The following FAM13A variants were observed in gnomAD, a reference collection of about 807,000 sequenced individuals.
FAM13A encodes family with sequence similarity 13 member A, also known as protein FAM13A.
Under a neutral mutation model 129.6 loss-of-function variants are expected in FAM13A, and 76 were observed. The ratio of observed to expected loss-of-function variants is 0.59; its 90% CI spans 0.49 to 0.71. The LOEUF is 0.71. Ranked by LOEUF, FAM13A falls within the 30% of genes least tolerant of loss-of-function variation. The pLI is 0.00. For missense variants in FAM13A, 1,108 were observed against 1,249.3 expected (o/e 0.89, Z 1.70); for synonymous variants, 443 against 449.9 (o/e 0.98, Z 0.20).
intron 23 of FAM13A, 150 bp from the exon 24 acceptor site, chr4:88,728,809 G>A: frequency 1.3e-6 from 1 of 795,668 alleles, no homozygotes; most frequent in Non-Finnish European, 2.0e-6. Context: ...CTCAAGACTG[G>A]GGCTGGATTT....
intron 4 of FAM13A, among the ~76,000 whole-genome samples, chr4:88,973,772 G>A (rs1760488124): frequency 2.0e-5 from 3 of 152,100 alleles, no homozygotes; most frequent in African/African-American, 7.2e-5. Context: ...TTAATAATGT[G>A]ATGTCAAGGT....
rs184427493 is a variant in FAM13A, at chr4:88,901,494, A to G, written c.843+4885T>C. ...CTCAAGATTAAGAAATTCACTCAAA[A>G]CCACACAACTACATGGAAATTGAAC... On this transcript the variant is annotated intron_variant, in intron 6 of 23. Transcript: ENST00000264344. Among the ~76,000 whole-genome samples the G allele has an allele frequency of 7.6e-4, 116 of 152,258 alleles. 1 individual carries two copies. The highest frequency in any genetic ancestry group is 1.4e-3 in the Non-Finnish European group (92 of 68,004).
intron 1 of FAM13A, among the ~76,000 whole-genome samples, chr4:89,030,908 A>AC (rs1272820075): frequency 1.3e-5 from 2 of 152,184 alleles, no homozygotes; most frequent in African/African-American, 4.8e-5. Context: ...TAATCTACAG[A>AC]ATCAGGTCAG....
intron 4 of FAM13A, among the ~76,000 whole-genome samples, chr4:88,953,063 C>T (rs1757191275): frequency 6.6e-6 from 1 of 152,164 alleles, no homozygotes; most frequent in Non-Finnish European, 1.5e-5. Flanking sequence ...TTATACAACT[C>T]ACCCATTTAG....
At chr4:88,848,455 T>C (rs931189379) in intron 7 of FAM13A, among the ~76,000 whole-genome samples, 1 of 152,154 alleles carries the variant, frequency 6.6e-6, no homozygotes, top group Admixed American at 6.5e-5. Flanking sequence ...AAACCCCAGA[T>C]GAAACACAAT....
At chr4:89,041,513 C>T (rs1224222215) in intron 1 of FAM13A, among the ~76,000 whole-genome samples, 2 of 152,128 alleles carry the variant, frequency 1.3e-5, no homozygotes, top group African/African-American at 4.8e-5. Flanking sequence ...AATAATGGAA[C>T]ACTAGGCATA....
At chr4:88,736,134 A>C (rs1560842312) in intron 21 of FAM13A, among the ~76,000 whole-genome samples, 1 of 152,212 alleles carries the variant, frequency 6.6e-6, no homozygotes, top group Non-Finnish European at 1.5e-5. Context: ...CATTAACATC[A>C]AGGCTTATTG....
chr4:88,925,414 A>G (rs953460437), intron 5 of FAM13A, among the ~76,000 whole-genome samples: 1 of 152,178 alleles, frequency 6.6e-6, no homozygotes, highest in Non-Finnish European at 1.5e-5. Flanking sequence ...AGGGACATGG[A>G]TGAAATTGGA....
intron 7 of FAM13A, among the ~76,000 whole-genome samples, chr4:88,836,239 A>G (rs559252945): frequency 2.6e-5 from 4 of 152,340 alleles, no homozygotes; most frequent in African/African-American, 9.6e-5. Context: ...TATGTTATAT[A>G]TACATTACCA....
chr4:88,941,473 G>C (rs941705304), intron 4 of FAM13A, among the ~76,000 whole-genome samples: 1 of 152,160 alleles, frequency 6.6e-6, no homozygotes, highest in African/African-American at 2.4e-5. Flanking sequence ...GACTCATTGG[G>C]ACACTTATTC....
At chr4:88,895,280 T>C (rs1360510007) in intron 6 of FAM13A, among the ~76,000 whole-genome samples, 1 of 152,136 alleles carries the variant, frequency 6.6e-6, no homozygotes, top group Non-Finnish European at 1.5e-5. Context: ...AGAATACTAA[T>C]TATAATATAT....
At chr4:88,729,797 CTG>C (rs1737243717) in intron 23 of FAM13A, 1 of 152,172 alleles carries the variant, frequency 6.6e-6, no homozygotes, top group Non-Finnish European at 1.5e-5. Flanking sequence ...TATAAGATAT[CTG>C]TGCATAATGT....
intron 11 of FAM13A, among the ~76,000 whole-genome samples, chr4:88,779,474 A>G (rs1359675950): frequency 6.6e-6 from 1 of 152,198 alleles, no homozygotes; most frequent in Non-Finnish European, 1.5e-5. Flanking sequence ...TTCATGGAAT[A>G]TAAGAGTTGG....
At chr4:88,868,232 C>A (rs571755861) in intron 6 of FAM13A, among the ~76,000 whole-genome samples, 42 of 152,234 alleles carry the variant, frequency 2.8e-4, no homozygotes, top group African/African-American at 9.4e-4. Context: ...GCGGAGGCCC[C>A]AACATTATCT....
At chr4:88,990,908 T>C in intron 4 of FAM13A, 65 bp downstream of exon 4, 1 of 1,249,604 alleles carries the variant, frequency 8.0e-7, no homozygotes, top group South Asian at 1.3e-5. Flanking sequence ...ATCCCAGTAA[T>C]TTCAGACAGT....
chr4:89,017,556 G>T (rs1766660820), intron 3 of FAM13A, among the ~76,000 whole-genome samples: 1 of 152,016 alleles, frequency 6.6e-6, no homozygotes, highest in Admixed American at 6.6e-5. Context: ...GAAATTTATA[G>T]GATTTTTGAG....
At chr4:88,748,179 A>C (rs1741786265) in intron 17 of FAM13A, among the ~76,000 whole-genome samples, 1 of 152,218 alleles carries the variant, frequency 6.6e-6, no homozygotes, top group Non-Finnish European at 1.5e-5. Flanking sequence ...GGCGTGAGCC[A>C]CTGCGCCCGG....
chr4:88,948,057 C>T (rs545494198), intron 4 of FAM13A, among the ~76,000 whole-genome samples: 6 of 152,102 alleles, frequency 3.9e-5, no homozygotes, highest in Non-Finnish European at 8.8e-5. Context: ...AAACACTGCT[C>T]TTGTCCCTCC....
intron 8 of FAM13A, among the ~76,000 whole-genome samples, chr4:88,790,929 C>CAAG (rs1163508565): frequency 6.6e-6 from 1 of 152,112 alleles, no homozygotes; most frequent in East Asian, 1.9e-4. Flanking sequence ...AGCCCTAGTT[C>CAAG]AAGGTCTTTT....
Sources: allele counts gnomAD v4.1 joint callset (sites outside exome capture counted in the v4.1 genomes callset), GRCh38; gene constraint gnomAD v4.1.1; transcripts MANE v1.5; gene names NCBI Gene and HGNC (gene_info 2026-07-23, HGNC 2026-07-21).